The following TRPC5 variants were observed in gnomAD, a reference collection of about 807,000 sequenced individuals.
TRPC5 encodes transient receptor potential cation channel subfamily C member 5.
TRPC5 carries 9 observed loss-of-function variants against 56.5 expected under a neutral mutation model. That is an observed-to-expected ratio of 0.16 (90% CI 0.10 to 0.28). TRPC5 has a LOEUF of 0.28. TRPC5 is among the 10% of genes least tolerant of loss of function. The pLI, the probability that TRPC5 is intolerant of heterozygous loss-of-function variation, is 1.00. For synonymous variants in TRPC5, 282 were observed against 278.5 expected (o/e 1.01, Z -0.13); for missense variants, 469 against 748.9 (o/e 0.63, Z 4.36).
At chrX:111,795,775 G>A (rs1326240124) in intron 7 of TRPC5, among the ~76,000 whole-genome samples, 1 of 111,512 alleles carries the variant, frequency 9.0e-6, no homozygotes, top group Non-Finnish European at 1.9e-5. Context: ...GTAAGATTTT[G>A]TCCATTATTT....
chrX:111,803,108 A>C (rs2148560994), intron 7 of TRPC5, among the ~76,000 whole-genome samples: 1 of 110,940 alleles, frequency 9.0e-6, no homozygotes, highest in Non-Finnish European at 1.9e-5. Flanking sequence ...GAGTGAGAAC[A>C]TGCGGTGTTT....
At chrX:111,822,166 C>T (rs916147379) in intron 7 of TRPC5, among the ~76,000 whole-genome samples, 1 of 111,758 alleles carries the variant, frequency 8.9e-6, no homozygotes, top group Non-Finnish European at 1.9e-5. Context: ...CCTTCAGTGT[C>T]TCCAATCTCT....
rs1945853993 is a variant in TRPC5 at position 111,773,244 on chromosome X, C to T, written c.*3069G>A. Reference sequence around the variant, plus strand: ...AATGATTTTAAATTTAGTCTTTCCTCTGTATTTCACTGGACATAAAGCTGG... The same window carrying T: ...AATGATTTTAAATTTAGTCTTTCCTTTGTATTTCACTGGACATAAAGCTGG... On this transcript the variant is annotated 3_prime_UTR_variant, in exon 11 of 11. Coordinates refer to ENST00000262839, the MANE Select transcript of TRPC5 (RefSeq NM_012471.3). Among the ~76,000 whole-genome samples the T allele has an allele frequency of 1.8e-5, 2 of 111,861 alleles. No homozygotes were observed. The highest frequency in any genetic ancestry group is 9.5e-5 in the Admixed American group (1 of 10,488).
intron 7 of TRPC5, among the ~76,000 whole-genome samples, chrX:111,812,726 G>A (rs1447785754): frequency 1.8e-5 from 2 of 111,895 alleles, no homozygotes; most frequent in Non-Finnish European, 3.8e-5. Flanking sequence ...GATAAACACA[G>A]TAAGCTGCTA....
chrX:111,963,015 G>A (rs1927431106), intron 1 of TRPC5, among the ~76,000 whole-genome samples: 1 of 112,034 alleles, frequency 8.9e-6, no homozygotes, highest in Non-Finnish European at 1.9e-5. Context: ...GCGAGCCGAA[G>A]CAGGGCGAGG....
chrX:111,935,616 G>A (rs1405326338), intron 2 of TRPC5, among the ~76,000 whole-genome samples: 1 of 111,694 alleles, frequency 9.0e-6, no homozygotes, highest in Non-Finnish European at 1.9e-5. Context: ...TGAGATGTAA[G>A]CCTTTATTTC....
rs762883198 is a variant in TRPC5 at position 111,944,822 on chromosome X, C to T, written c.378+7221G>A. Reference sequence around the variant, plus strand: ...ATTATCAGCAACCACCAGAGACTAGCAGGGAGGCATGGAACAGATTCTCCC... The same window carrying T: ...ATTATCAGCAACCACCAGAGACTAGTAGGGAGGCATGGAACAGATTCTCCC... On this transcript the variant is annotated intron_variant, in intron 2 of 10. Transcript: ENST00000262839. Among the ~76,000 whole-genome samples, 3 of 111,335 alleles carry T rather than the reference C, an allele frequency of 2.7e-5. No individual in the cohort carries two copies. The South Asian group carries it at 1.2e-3, about 44-fold the overall frequency.
In TRPC5 at chrX:111,818,763, C is replaced by A. The variant is rs778927619; in HGVS notation, c.1896+16158G>T. Reference sequence around the variant, plus strand: ...GGATTACAGGTGCACACCACCACGCCCAGCTAATTTTTGTATTTTTAGTAG... The same window carrying A: ...GGATTACAGGTGCACACCACCACGCACAGCTAATTTTTGTATTTTTAGTAG... On this transcript the variant is annotated intron_variant, in intron 7 of 10. Transcript: ENST00000262839. Among the ~76,000 whole-genome samples the A allele has an allele frequency of 2.7e-5, 3 of 109,445 alleles. No individual in the cohort carries two copies. In the East Asian group the frequency reaches 8.7e-4, roughly 32 times the overall value.
At chrX:111,979,598 A>G (rs548807337) in intron 1 of TRPC5, among the ~76,000 whole-genome samples, 1 of 111,644 alleles carries the variant, frequency 9.0e-6, no homozygotes, top group South Asian at 3.7e-4. Context: ...TTCAGAACAT[A>G]TAAAGACTCT....
At chrX:112,073,536 G>A (rs979626771) in intron 1 of TRPC5, among the ~76,000 whole-genome samples, 1 of 111,315 alleles carries the variant, frequency 9.0e-6, no homozygotes, top group African/African-American at 3.3e-5. Context: ...TCCCAAAGTG[G>A]TGGGATTACA....
chrX:111,854,227 A>C, intron 3 of TRPC5, 121 bp from the exon 4 acceptor site: 1 of 727,981 alleles, frequency 1.4e-6, no homozygotes, highest in Non-Finnish European at 2.0e-6. Context: ...TCCCCAGAAG[A>C]GGCCTGTTTT....
At chrX:111,826,848 C>T (rs1295533638) in intron 7 of TRPC5, among the ~76,000 whole-genome samples, 2 of 111,648 alleles carry the variant, frequency 1.8e-5, no homozygotes, top group Non-Finnish European at 3.8e-5. Context: ...TTGGGCTCTT[C>T]GTCCCCTCAG....
intron 7 of TRPC5, among the ~76,000 whole-genome samples, chrX:111,808,996 T>A (rs1351569199): frequency 9.2e-6 from 1 of 109,241 alleles, no homozygotes; most frequent in Admixed American, 9.9e-5. Flanking sequence ...CAGTGCCCTA[T>A]CCTACTGTGG....
intron 1 of TRPC5, among the ~76,000 whole-genome samples, chrX:112,049,424 C>CATAT (rs749716509): frequency 0.035 from 3,638 of 105,225 alleles, 73 homozygotes; most frequent in Middle Eastern, 0.062. Flanking sequence ...TACACACACG[C>CATAT]ATATATATAC....
Position 111,912,399 on chromosome X carries a change from T to G in TRPC5, c.792A>C (p.Glu264Asp). ...DLLDQARSSR[E>D]LEIILNHRDD... ...CTCGATGGTTGAGGATGATCTCCAG[T>G]TCCCTGGAGCTCCGAGCTTGGTCCA... The change falls in exon 3 of 11, where the codon GAA becomes GAC. Residue 264 changes from glutamate (E) to aspartate (D), a missense_variant. Glu to Asp is a conservative substitution (Grantham distance 45, BLOSUM62 2). Around this residue, in one of 3 missense-constraint regions of TRPC5, gnomAD observed 157 missense variants for 360.0 expected, o/e 0.44. Transcript: ENST00000262839. The G allele has an allele frequency of 8.3e-7, 1 of 1,211,455 alleles. No individual in the cohort carries two copies. The highest frequency in any genetic ancestry group is 1.1e-6 in the Non-Finnish European group (1 of 895,399).
intron 1 of TRPC5, among the ~76,000 whole-genome samples, chrX:112,023,095 C>T (rs1461834647): frequency 9.1e-6 from 1 of 109,591 alleles, no homozygotes; most frequent in Non-Finnish European, 1.9e-5. Flanking sequence ...CCACCATGCC[C>T]GGCTAATTTT....
Position 112,079,331 on chromosome X carries a change from A to AATAACT in TRPC5, c.-22+2542_-22+2547dup, listed in dbSNP as rs200566268. Reference sequence around the variant, plus strand: ...CATGACACATTTGAAATATCCATTCAATAACTAAGCACCTGAATGGCTTGC... The same window carrying AATAACT: ...CATGACACATTTGAAATATCCATTCAATAACTATAACTAAGCACCTGAATGGCTTGC... On this transcript the variant is annotated intron_variant, in intron 1 of 10. Coordinates refer to ENST00000262839, the MANE Select transcript of TRPC5 (RefSeq NM_012471.3). Among the ~76,000 whole-genome samples the AATAACT allele has an allele frequency of 1.1e-3, 125 of 112,401 alleles. 5 individuals carry two copies. In the East Asian group the frequency reaches 0.034, roughly 30 times the overall value.
chrX:112,031,307 G>T lies in TRPC5; in HGVS notation c.-22+50572C>A, dbSNP rs112601264. 4.3e-3 allele frequency among the ~76,000 whole-genome samples: 484 copies of T among 111,731 alleles called. 2 individuals are homozygous for T. The highest frequency in any genetic ancestry group is 0.015 in the African/African-American group (453 of 30,777). On this transcript the variant is annotated intron_variant, in intron 1 of 10. Transcript: ENST00000262839. ...AAAGGATTATTTCCTGCTCCCTCCA[G>T]TCCCTGCCTTGAATGAAAGGTCTGA...
intron 3 of TRPC5, among the ~76,000 whole-genome samples, chrX:111,904,680 T>A (rs1925525674): frequency 9.0e-6 from 1 of 111,107 alleles, no homozygotes; most frequent in Non-Finnish European, 1.9e-5. Context: ...TCCCAGCTAA[T>A]GGATGCTGGA....
Sources: allele counts gnomAD v4.1 joint callset (sites outside exome capture counted in the v4.1 genomes callset), GRCh38; gene constraint gnomAD v4.1.1; regional missense constraint gnomAD v4.1.1; transcripts MANE v1.5; gene names NCBI Gene and HGNC (gene_info 2026-07-23, HGNC 2026-07-21).